Variants in DNM3 observed in about 807,000 individuals in gnomAD.
The protein encoded by DNM3 is dynamin 3, also known as dynamin-3.
DNM3 carries 47 observed loss-of-function variants against 101.6 expected under a neutral mutation model. That is an observed-to-expected ratio of 0.46 (90% CI 0.37 to 0.59). DNM3 has a LOEUF of 0.59. DNM3 is among the 20% of genes least tolerant of loss of function. The pLI is 0.00. For missense variants in DNM3, 849 were observed against 1,085.7 expected (o/e 0.78, Z 3.06); for synonymous variants, 385 against 387.9 (o/e 0.99, Z 0.09).
At chr1:172,031,785 G>C (rs1348009283) in intron 4 of DNM3, among the ~76,000 whole-genome samples, 1 of 152,088 alleles carries the variant, frequency 6.6e-6, no homozygotes, top group African/African-American at 2.4e-5. Flanking sequence ...CTTGCTTTGA[G>C]ACTAGAATCC....
intron 14 of DNM3, among the ~76,000 whole-genome samples, chr1:172,169,619 A>G (rs2058876126): frequency 6.6e-6 from 1 of 151,950 alleles, no homozygotes; most frequent in South Asian, 2.1e-4. Flanking sequence ...TAACTAGAAT[A>G]TTTAATTCTA....
At position 172,409,535 on chromosome 1, in the gene DNM3, T is replaced by G; in HGVS notation, c.*1694T>G. 6 of 984,502 alleles carry G rather than the reference T, an allele frequency of 6.1e-6. No homozygotes were observed. The highest frequency in any genetic ancestry group is 7.2e-6 in the Non-Finnish European group (6 of 829,108). The allele number at this position is 984,502 out of a possible 1,614,324, so 61.0% of individuals were successfully genotyped here. On this transcript the variant is annotated 3_prime_UTR_variant, in exon 21 of 21. Transcript: ENST00000627582. ...TTCAACTTTTAAGGTTACCAGTGAT[T>G]GTATAAAAACATCACAATCCTAAAT... is the stretch of plus-strand genomic sequence containing the variant.
At chr1:172,340,041 T>C (rs2066618128) in intron 17 of DNM3, among the ~76,000 whole-genome samples, 1 of 152,128 alleles carries the variant, frequency 6.6e-6, no homozygotes, top group Non-Finnish European at 1.5e-5. Flanking sequence ...CAGAGTGGTG[T>C]TTTAGATTGT....
At chr1:171,900,445 T>C (rs2038209485) in intron 1 of DNM3, among the ~76,000 whole-genome samples, 1 of 149,134 alleles carries the variant, frequency 6.7e-6, no homozygotes, top group African/African-American at 2.5e-5. Context: ...AGGCAAGGAG[T>C]TGGAGGAAAA....
At chr1:172,204,463 CA>C (rs2148497405) in intron 14 of DNM3, among the ~76,000 whole-genome samples, 1 of 152,206 alleles carries the variant, frequency 6.6e-6, no homozygotes, top group East Asian at 1.9e-4. Flanking sequence ...CCCTCTTGAG[CA>C]TCACTACTTG....
At chr1:172,205,433 C>T (rs2060290707) in intron 14 of DNM3, among the ~76,000 whole-genome samples, 1 of 151,910 alleles carries the variant, frequency 6.6e-6, no homozygotes, top group African/African-American at 2.4e-5. Flanking sequence ...TTTAAGTGGA[C>T]TATAAACTAC....
At chr1:172,198,201 T>C (rs1193358482) in intron 14 of DNM3, among the ~76,000 whole-genome samples, 1 of 152,048 alleles carries the variant, frequency 6.6e-6, no homozygotes, top group Non-Finnish European at 1.5e-5. Flanking sequence ...ATGTGGTGAA[T>C]CACATTTAGC....
intron 1 of DNM3, among the ~76,000 whole-genome samples, chr1:171,843,793 T>C (rs1301533284): frequency 6.6e-6 from 1 of 152,120 alleles, no homozygotes; most frequent in South Asian, 2.1e-4. Context: ...AAAAAAGAAA[T>C]GTAGAAGAGT....
intron 16 of DNM3, among the ~76,000 whole-genome samples, chr1:172,314,163 T>A (rs1372962877): frequency 1.3e-5 from 2 of 152,130 alleles, no homozygotes; most frequent in South Asian, 2.1e-4. Context: ...CACACGTATG[T>A]TTATTGCAGC....
chr1:172,306,663 T>A (rs1445786411), intron 15 of DNM3, among the ~76,000 whole-genome samples: 2 of 152,196 alleles, frequency 1.3e-5, no homozygotes, highest in Non-Finnish European at 2.9e-5. Context: ...AACAGCATGG[T>A]ACTGGTACCA....
intron 1 of DNM3, among the ~76,000 whole-genome samples, chr1:171,915,077 A>G (rs2039611033): frequency 6.6e-6 from 1 of 152,210 alleles, no homozygotes; most frequent in Admixed American, 6.5e-5. Context: ...TGCTTTGTTT[A>G]CTGTTATATC....
At chr1:171,945,552 C>T (rs916809942) in intron 2 of DNM3, among the ~76,000 whole-genome samples, 7 of 152,280 alleles carry the variant, frequency 4.6e-5, no homozygotes, top group Middle Eastern at 3.4e-3. Context: ...TACATATCCT[C>T]ATTCAACAAT....
intron 10 of DNM3, among the ~76,000 whole-genome samples, chr1:172,055,720 GA>G (rs1221959152): frequency 6.6e-6 from 1 of 152,178 alleles, no homozygotes. Context: ...CAGTTTGGCT[GA>G]AGTAGGATGA....
At chr1:172,074,441 T>A (rs1364858541) in intron 11 of DNM3, among the ~76,000 whole-genome samples, 1 of 152,132 alleles carries the variant, frequency 6.6e-6, no homozygotes, top group African/African-American at 2.4e-5. Context: ...TATTAGGTAT[T>A]TCTCCTAATG....
At chr1:172,318,162 A>G (rs2065488319) in intron 16 of DNM3, among the ~76,000 whole-genome samples, 1 of 152,248 alleles carries the variant, frequency 6.6e-6, no homozygotes, top group Non-Finnish European at 1.5e-5. Context: ...TAGATGCAGA[A>G]AAGGCCCTTG....
intron 14 of DNM3, among the ~76,000 whole-genome samples, chr1:172,141,676 G>A (rs1011487689): frequency 6.6e-6 from 1 of 152,014 alleles, no homozygotes; most frequent in Admixed American, 6.6e-5. Flanking sequence ...TACATGGGTG[G>A]TCTGTAGGCG....
chr1:172,189,450 G>A (rs958822509), intron 14 of DNM3, among the ~76,000 whole-genome samples: 1 of 152,008 alleles, frequency 6.6e-6, no homozygotes, highest in Non-Finnish European at 1.5e-5. Context: ...GAGGAAAATA[G>A]ACATGTTAAT....
chr1:172,303,674 G>A lies in DNM3; in HGVS notation c.1770-5054G>A, dbSNP rs575977204. Among the ~76,000 whole-genome samples the A allele has an allele frequency of 1.1e-3, 175 of 152,252 alleles. 1 individual carries two copies. The highest frequency in any genetic ancestry group is 3.7e-3 in the African/African-American group (153 of 41,542). On this transcript the variant is annotated intron_variant, in intron 15 of 20. Coordinates refer to ENST00000627582, the MANE Select transcript of DNM3 (RefSeq NM_015569.5). Reference sequence around the variant, plus strand: ...AAGGGAAGCACATCAGACTAACAGCGGATCTCTCAGCAGAAACCCTACAAG... The same window carrying A: ...AAGGGAAGCACATCAGACTAACAGCAGATCTCTCAGCAGAAACCCTACAAG...
chr1:171,909,341 G>T (rs1008227923), intron 1 of DNM3, among the ~76,000 whole-genome samples: 2 of 152,046 alleles, frequency 1.3e-5, no homozygotes, highest in Admixed American at 1.3e-4. Flanking sequence ...GCTGAGGTGG[G>T]AGAATTGCTT....
Sources: gnomAD v4.1 joint callset for allele counts (sites outside exome capture counted in the v4.1 genomes callset) on GRCh38, gnomAD v4.1.1 for gene constraint, MANE v1.5 for transcripts, NCBI Gene and HGNC (gene_info 2026-07-23, HGNC 2026-07-21) for gene names.